The following AACS variants were observed in gnomAD, a reference collection of about 807,000 sequenced individuals.
AACS encodes the protein acetoacetyl-CoA synthetase.
A neutral mutation model predicts 83.1 loss-of-function variants in AACS; 69 were observed. The ratio of observed to expected loss-of-function variants is 0.83; its 90% CI spans 0.68 to 1.01. AACS has a LOEUF of 1.01. AACS is among the 50% of genes least tolerant of loss of function. The probability of loss-of-function intolerance (pLI) is 0.00; values close to 1 mark genes in which losing one functional copy is unlikely to be tolerated. For synonymous variants in AACS, 333 were observed against 343.4 expected (o/e 0.97, Z 0.33); for missense variants, 866 against 882.2 (o/e 0.98, Z 0.23).
chr12:125,142,022 T>A, intron 17 of AACS, 70 bp from the exon 18 acceptor site: 1 of 1,589,258 alleles, frequency 6.3e-7, no homozygotes, highest in Non-Finnish European at 8.6e-7. Flanking sequence ...GGGGCCTGGA[T>A]ATATCCAGGG....
In AACS at chr12:125,130,477, G is replaced by A. The variant is rs60265925; in HGVS notation, c.1549+1017G>A. 0.018 allele frequency among the ~76,000 whole-genome samples: 2,785 copies of A among 152,298 alleles called. 88 individuals are homozygous for A. Among genetic ancestry groups the A allele is most frequent in the African/African-American group, 0.062 (2,595 of 41,560 alleles). On this transcript the variant is annotated intron_variant, in intron 14 of 17. Transcript: ENST00000316519. This position sits in a 1 kb window ranked among gnomAD's most constrained non-coding sequence, Gnocchi z 4.9. The stretch of plus-strand genomic sequence containing the variant: ...AGAGGAGGGTAGGGCCTCCTGCCTT[G>A]GGAGGAGAGGCCAAAAGGATTAGAA...
chr12:125,086,493 A>G (rs748141834), intron 4 of AACS, 50 bp downstream of exon 4: 7 of 1,546,518 alleles, frequency 4.5e-6, no homozygotes, highest in Admixed American at 1.7e-5. Flanking sequence ...ACCAAGGTAG[A>G]ATGGGTGATG....
intron 3 of AACS, among the ~76,000 whole-genome samples, chr12:125,080,167 C>T (rs1238415679): frequency 6.6e-6 from 1 of 152,204 alleles, no homozygotes; most frequent in African/African-American, 2.4e-5. Context: ...GGTGCCAACC[C>T]AGTCGCCTCT....
Position 125,124,955 on chromosome 12 carries a change from C to A in AACS, c.1240C>A (p.Leu414Met). The change falls in exon 12 of 18, where the codon CTG becomes ATG. Residue 414 changes from leucine (L) to methionine (M), a missense_variant. Coordinates refer to ENST00000316519, the MANE Select transcript of AACS (RefSeq NM_023928.5). ...CACGATCCTGTCCACTGGCTCCCCA[C>A]TGAAAGCCCAGAGCTACGAGTATGT... ...LHTILSTGSPLKAQSYEYVYR... is the reference protein window; with the variant it reads ...LHTILSTGSPMKAQSYEYVYR... 1 of 1,614,248 alleles carries A rather than the reference C, an allele frequency of 6.2e-7. No individual in the cohort carries two copies. The highest frequency in any genetic ancestry group is 2.2e-5 in the East Asian group (1 of 44,890).
chr12:125,082,360 G>C (rs12821732), intron 3 of AACS, among the ~76,000 whole-genome samples: 2 of 147,632 alleles, frequency 1.4e-5, no homozygotes, highest in African/African-American at 5.0e-5. Context: ...TTTTTTTTAA[G>C]AGATGGGGTC....
chr12:125,108,229 A>G (rs1956875350), intron 8 of AACS, among the ~76,000 whole-genome samples: 1 of 152,222 alleles, frequency 6.6e-6, no homozygotes, highest in Non-Finnish European at 1.5e-5. Flanking sequence ...TAGGGCTGCC[A>G]TAACGAAACA....
chr12:125,076,547 G>A lies in AACS; in HGVS notation c.294G>A (p.Arg98=). The change falls in exon 3 of 18, where the codon CGG becomes CGA. Residue 98 remains arginine (R), a synonymous_variant. Coordinates refer to ENST00000316519, the MANE Select transcript of AACS (RefSeq NM_023928.5). ...ADVPEWFKGS[R]LNYAENLLRH... is the part of the protein sequence containing the mutation. Reference sequence around the variant, plus strand: ...TCCCCGAGTGGTTCAAAGGCAGTCGGCTCAACTATGCAGAAAACCTCCTGC... The same window carrying A: ...TCCCCGAGTGGTTCAAAGGCAGTCGACTCAACTATGCAGAAAACCTCCTGC... 1 of 1,614,154 alleles carries A rather than the reference G, an allele frequency of 6.2e-7. No homozygotes were observed. The highest frequency in any genetic ancestry group is 8.5e-7 in the Non-Finnish European group (1 of 1,180,026).
Position 125,107,200 on chromosome 12 carries a change from C to T in AACS, c.847C>T (p.His283Tyr), listed in dbSNP as rs775319593. 1 of 1,614,182 alleles carries T rather than the reference C, an allele frequency of 6.2e-7. No individual in the cohort carries two copies. The highest frequency in any genetic ancestry group is 1.1e-5 in the South Asian group (1 of 91,086). ...GGAGTTCGAGCAGCTGCCCTTCAGC[C>T]ACCCACTGTTCATCATGTTCTCATC... ...QLEFEQLPFS[H>Y]PLFIMFSSGT... is the part of the protein sequence containing the mutation. The change falls in exon 8 of 18, where the codon CAC becomes TAC. Residue 283 changes from histidine to tyrosine, a missense_variant. By Grantham distance (83) the His-to-Tyr change is moderately conservative. Coordinates refer to ENST00000316519, the MANE Select transcript of AACS (RefSeq NM_023928.5).
chr12:125,075,364 T>G (rs895174268), intron 2 of AACS, among the ~76,000 whole-genome samples: 6 of 151,184 alleles, frequency 4.0e-5, no homozygotes, highest in Admixed American at 6.6e-5. Context: ...GCATCTCGGC[T>G]CACTGCAACC....
chr12:125,095,127 C>T (rs1029520439), intron 5 of AACS, among the ~76,000 whole-genome samples: 6 of 152,054 alleles, frequency 3.9e-5, no homozygotes, highest in African/African-American at 1.2e-4. Context: ...TGCTAAGCAC[C>T]GTATTCAGGT....
chr12:125,068,185 G>C (rs779570815), intron 1 of AACS, among the ~76,000 whole-genome samples: 14 of 152,184 alleles, frequency 9.2e-5, no homozygotes, highest in Non-Finnish European at 1.8e-4. Flanking sequence ...GGCTGGGCGT[G>C]GTGGCTCACA....
At chr12:125,081,386 G>T (rs143690729) in intron 3 of AACS, among the ~76,000 whole-genome samples, 1 of 152,160 alleles carries the variant, frequency 6.6e-6, no homozygotes, top group African/African-American at 2.4e-5. Flanking sequence ...TTTACAAATC[G>T]CATCCCTTAC....
At chr12:125,090,257 TCATC>T (rs1956448748) in intron 4 of AACS, among the ~76,000 whole-genome samples, 2 of 100,710 alleles carry the variant, frequency 2.0e-5, no homozygotes, top group African/African-American at 7.4e-5. Context: ...ATCTACCCAT[TCATC>T]CATCCATCTT....
Position 125,073,902 on chromosome 12 carries a change from T to C in AACS, c.160T>C (p.Ser54Pro). ...GAGTTATGATGACTTGTACCATTGGTCCGTTGAGTCATATTCAGACTTCTG... is the reference window on the plus strand; with the variant it reads ...GAGTTATGATGACTTGTACCATTGGCCCGTTGAGTCATATTCAGACTTCTG... The part of the protein sequence containing the change: ...LESYDDLYHW[S>P]VESYSDFWAE... Residue 54 changes from serine (S) to proline (P), a missense_variant, in exon 2 of 18, where the codon TCC (serine) becomes CCC (proline). By Grantham distance (74) the Ser-to-Pro change is moderately conservative. Transcript: ENST00000316519. 1 of 1,614,064 alleles carries C rather than the reference T, an allele frequency of 6.2e-7. No individual in the cohort carries two copies. The highest frequency in any genetic ancestry group is 8.5e-7 in the Non-Finnish European group (1 of 1,179,960).
rs1382510477 is a variant in AACS, at chr12:125,074,565, A to G, written c.237+586A>G. Among the ~76,000 whole-genome samples the G allele has an allele frequency of 2.6e-5, 4 of 151,792 alleles. No homozygotes were observed. In the East Asian group the frequency reaches 7.7e-4, roughly 29 times the overall value. On this transcript the variant is annotated intron_variant, in intron 2 of 17. Transcript: ENST00000316519. ...CTGTCTCAAAAAAAAAGGTTTAATTATGTTAAAATACATATATCATAAACT... is the reference window on the plus strand; with the variant it reads ...CTGTCTCAAAAAAAAAGGTTTAATTGTGTTAAAATACATATATCATAAACT...
Position 125,103,530 on chromosome 12 carries a change from T to G in AACS, c.767+449T>G, listed in dbSNP as rs377237695. On this transcript the variant is annotated intron_variant, in intron 7 of 17. Coordinates refer to ENST00000316519, the MANE Select transcript of AACS (RefSeq NM_023928.5). ...ATACGTGCACAGGTGCACATGCATG[T>G]GTACATGTGTATGTATGGCTATGCA... is the stretch of plus-strand genomic sequence containing the variant. Among the ~76,000 whole-genome samples, 702 of 135,964 alleles carry G rather than the reference T, an allele frequency of 5.2e-3. 1 individual carries two copies. The highest frequency in any genetic ancestry group is 9.7e-3 in the Non-Finnish European group (558 of 57,536). 89.2% of individuals were successfully genotyped at this position (135,964 alleles called of 152,430 possible).
chr12:125,082,541 C>T (rs975627085), intron 3 of AACS, among the ~76,000 whole-genome samples: 8 of 96,474 alleles, frequency 8.3e-5, no homozygotes, highest in East Asian at 3.1e-4. Flanking sequence ...AGAGACAATT[C>T]GCCAGCACGG....
rs566929437 is a variant in AACS at position 125,102,993 on chromosome 12, C to T, written c.686-7C>T. Reference sequence around the variant, plus strand: ...AACCTTGTGTTTTCTCCTCTCGCTCCTTCCAGGCCTACCAGACTTGAAGAA... The same window carrying T: ...AACCTTGTGTTTTCTCCTCTCGCTCTTTCCAGGCCTACCAGACTTGAAGAA... On this transcript the variant is annotated splice_polypyrimidine_tract_variant and splice_region_variant and intron_variant, in intron 6 of 17. Coordinates refer to ENST00000316519, the MANE Select transcript of AACS (RefSeq NM_023928.5). 5 of 1,611,272 alleles carry T rather than the reference C, an allele frequency of 3.1e-6. No homozygotes were observed. The East Asian group carries it at 8.9e-5, about 29-fold the overall frequency.
intron 8 of AACS, among the ~76,000 whole-genome samples, chr12:125,109,136 T>C (rs1031178281): frequency 2.0e-5 from 3 of 152,116 alleles, no homozygotes; most frequent in Non-Finnish European, 4.4e-5. Context: ...CGTCCTTTTG[T>C]TTTGTTTTGT....
Sources: gnomAD v4.1 joint callset for allele counts (sites outside exome capture counted in the v4.1 genomes callset) on GRCh38, gnomAD v4.1.1 for gene constraint, Gnocchi (gnomAD v3.1) non-coding constraint, MANE v1.5 for transcripts, NCBI Gene and HGNC (gene_info 2026-07-23, HGNC 2026-07-21) for gene names.